The following ESRRG variants were observed in gnomAD, a reference collection of about 807,000 sequenced individuals.
The protein encoded by ESRRG is estrogen-related receptor gamma.
In ESRRG, 13 loss-of-function variants were observed where a neutral mutation model predicts 44.0. The observed-to-expected ratio is 0.30, with a 90% confidence interval of 0.19 to 0.47. ESRRG has a LOEUF of 0.47. Among genes scored for constraint, ESRRG ranks in the 20% least tolerant of loss-of-function variants. ESRRG has a pLI of 1.00. For synonymous variants in ESRRG, 215 were observed against 214.6 expected (o/e 1.00, Z -0.02); for missense variants, 395 against 580.6 (o/e 0.68, Z 3.29).
At chr1:216,623,055 G>T (rs533584813) in intron 3 of ESRRG, among the ~76,000 whole-genome samples, 1 of 143,806 alleles carries the variant, frequency 7.0e-6, no homozygotes, top group Admixed American at 7.0e-5. Context: ...GACTAAAACT[G>T]TCATCAGCTG....
At chr1:217,021,845 C>T (rs752446113) in intron 1 of ESRRG, among the ~76,000 whole-genome samples, 3 of 152,196 alleles carry the variant, frequency 2.0e-5, no homozygotes, top group Non-Finnish European at 4.4e-5. Flanking sequence ...ATAACCCATC[C>T]TAATGCCCTG....
chr1:216,949,329 G>A (rs573389314), intron 1 of ESRRG, among the ~76,000 whole-genome samples: 4 of 152,162 alleles, frequency 2.6e-5, no homozygotes, highest in East Asian at 1.9e-4. Flanking sequence ...AATGTTGAAG[G>A]TTTCTTAAGG....
intron 1 of ESRRG, among the ~76,000 whole-genome samples, chr1:217,117,172 G>A (rs1000511128): frequency 1.3e-5 from 2 of 152,160 alleles, no homozygotes; most frequent in Non-Finnish European, 2.9e-5. Flanking sequence ...ATGGAACCTT[G>A]AAAAGCCACA....
chr1:216,997,219 C>T (rs1310143566), intron 1 of ESRRG, among the ~76,000 whole-genome samples: 1 of 152,164 alleles, frequency 6.6e-6, no homozygotes, highest in Non-Finnish European at 1.5e-5. Flanking sequence ...GTTTGACTCC[C>T]AGTCCCATTA....
chr1:216,763,650 T>G (rs1469645702), intron 2 of ESRRG, among the ~76,000 whole-genome samples: 1 of 152,176 alleles, frequency 6.6e-6, no homozygotes. Flanking sequence ...TGATTTGCAG[T>G]TGTTCTTCCC....
chr1:217,122,912 C>T (rs575580899), intron 1 of ESRRG, among the ~76,000 whole-genome samples: 30 of 151,798 alleles, frequency 2.0e-4, no homozygotes, highest in African/African-American at 5.6e-4. Flanking sequence ...CTCGAACTCC[C>T]GACCTCAGAC....
intron 1 of ESRRG, among the ~76,000 whole-genome samples, chr1:216,988,765 A>C (rs2075256646): frequency 6.6e-6 from 1 of 152,206 alleles, no homozygotes; most frequent in Admixed American, 6.5e-5. Context: ...TGCCTTTCAG[A>C]CAGCAGCAAT....
chr1:216,688,024 A>G (rs1371400254), intron 1 of ESRRG, among the ~76,000 whole-genome samples: 1 of 152,198 alleles, frequency 6.6e-6, no homozygotes, highest in African/African-American at 2.4e-5. Flanking sequence ...TTGGGAAAAA[A>G]AACAAAAGAA....
chr1:216,675,810 C>T (rs538529598), intron 2 of ESRRG, among the ~76,000 whole-genome samples: 20 of 152,324 alleles, frequency 1.3e-4, no homozygotes, highest in South Asian at 1.0e-3. Context: ...GCAAATAATA[C>T]AACACAGTAC....
At chr1:216,616,494 T>A (rs565652653) in intron 3 of ESRRG, among the ~76,000 whole-genome samples, 119 of 152,214 alleles carry the variant, frequency 7.8e-4, no homozygotes, top group Non-Finnish European at 1.3e-3. Context: ...TTCTCTACAT[T>A]TTGTTTATAA....
intron 1 of ESRRG, among the ~76,000 whole-genome samples, chr1:216,710,288 C>G (rs887385048): frequency 2.0e-5 from 3 of 152,112 alleles, no homozygotes; most frequent in African/African-American, 7.2e-5. Flanking sequence ...CAGAGAAATC[C>G]CACTAAAACT....
chr1:217,004,772 G>C (rs1406628290), intron 1 of ESRRG, among the ~76,000 whole-genome samples: 1 of 152,100 alleles, frequency 6.6e-6, no homozygotes, highest in Non-Finnish European at 1.5e-5. Context: ...GATGCTGCTT[G>C]ACACATTATA....
At chr1:217,061,039 T>C (rs1178299319) in intron 1 of ESRRG, among the ~76,000 whole-genome samples, 1 of 151,998 alleles carries the variant, frequency 6.6e-6, no homozygotes, top group Non-Finnish European at 1.5e-5. Flanking sequence ...AATATAATCA[T>C]AAGGGATCTT....
At chr1:216,876,496 T>C (rs2096355216) in intron 2 of ESRRG, among the ~76,000 whole-genome samples, 1 of 152,142 alleles carries the variant, frequency 6.6e-6, no homozygotes, top group Non-Finnish European at 1.5e-5. Flanking sequence ...AAAGACCAAT[T>C]GATCATTGTA....
intron 2 of ESRRG, among the ~76,000 whole-genome samples, chr1:216,795,191 A>T (rs1225906159): frequency 6.6e-6 from 1 of 152,154 alleles, no homozygotes. Context: ...TGTTCTAAAG[A>T]CTAAACCTTA....
intron 6 of ESRRG, among the ~76,000 whole-genome samples, chr1:216,510,662 G>T (rs964550437): frequency 1.3e-5 from 2 of 152,146 alleles, no homozygotes; most frequent in African/African-American, 4.8e-5. Context: ...GAGGCAGGCA[G>T]ATCACGAGGT....
intron 3 of ESRRG, among the ~76,000 whole-genome samples, chr1:216,620,832 C>T (rs1365611939): frequency 6.6e-6 from 1 of 152,152 alleles, no homozygotes; most frequent in Non-Finnish European, 1.5e-5. Context: ...ATCTCTGCTA[C>T]TTAAATATTC....
At position 216,505,335 on chromosome 1, in the gene ESRRG, C is replaced by T. The variant is rs1456577205; in HGVS notation, c.*1604G>A. 1 of 152,540 alleles carries T rather than the reference C, an allele frequency of 6.6e-6. No homozygotes were observed. 9.4% of individuals were successfully genotyped at this position (152,540 alleles called of 1,614,324 possible). ...CTGTGACAATACTGGTTGAAAAGCA[C>T]ATATATTGGCTTAGCTCTTGGTAAA... On this transcript the variant is annotated 3_prime_UTR_variant, in exon 7 of 7. Transcript: ENST00000408911.
rs569886427 is a variant in ESRRG, at chr1:216,953,589, C to T, written c.-105-13916G>A. Reference sequence around the variant, plus strand: ...ACCTTCATCCTCCCTCTTGGCCCTGCTTGCTTTCCTTTGAACTGAGGCATG... The same window carrying T: ...ACCTTCATCCTCCCTCTTGGCCCTGTTTGCTTTCCTTTGAACTGAGGCATG... On this transcript the variant is annotated intron_variant, in intron 1 of 7. Transcript: ENST00000359162. Among the ~76,000 whole-genome samples, 3 of 152,110 alleles carry T rather than the reference C, an allele frequency of 2.0e-5. No homozygotes were observed. In the East Asian group the frequency reaches 5.8e-4, roughly 30 times the overall value.
Sources: allele counts gnomAD v4.1 joint callset (sites outside exome capture counted in the v4.1 genomes callset), GRCh38; gene constraint gnomAD v4.1.1; transcripts MANE v1.5; gene names NCBI Gene and HGNC (gene_info 2026-07-23, HGNC 2026-07-21).